The following DNM1L variants were observed in gnomAD, a reference collection of about 807,000 sequenced individuals.
DNM1L encodes dynamin 1L.
Under a neutral mutation model 92.8 loss-of-function variants are expected in DNM1L, and 33 were observed. That is an observed-to-expected ratio of 0.36 (90% confidence interval 0.27 to 0.48). The LOEUF (loss-of-function observed/expected upper bound fraction) is 0.48. DNM1L is among the 20% of genes least tolerant of loss of function. DNM1L has a pLI of 0.99. For missense variants in DNM1L, 485 were observed against 888.8 expected (o/e 0.55, Z 5.78); for synonymous variants, 284 against 305.0 (o/e 0.93, Z 0.72).
intron 1 of DNM1L, 182 bp downstream of exon 1, chr12:32,679,647 C>G (rs1019474939): frequency 6.1e-6 from 8 of 1,321,058 alleles, no homozygotes; most frequent in Non-Finnish European, 7.7e-6. Flanking sequence ...CCTCCCGGGG[C>G]AGCGTTGCAT....
At chr12:32,692,115 C>T (rs569507247) in intron 1 of DNM1L, among the ~76,000 whole-genome samples, 1 of 152,014 alleles carries the variant, frequency 6.6e-6, no homozygotes, top group East Asian at 1.9e-4. Context: ...CATACTATAA[C>T]CATTTTCTCT....
chr12:32,696,589 G>C (rs530272929), intron 1 of DNM1L, among the ~76,000 whole-genome samples: 1 of 146,976 alleles, frequency 6.8e-6, no homozygotes, highest in Non-Finnish European at 1.5e-5. Context: ...AACAGAGCTA[G>C]ACAGTGTCTC....
intron 16 of DNM1L, 77 bp from the exon 17 acceptor site, chr12:32,739,987 T>A: frequency 6.3e-7 from 1 of 1,586,240 alleles, no homozygotes; most frequent in Non-Finnish European, 8.6e-7. Context: ...TATTGACTAC[T>A]GTCAAATAAA....
chr12:32,737,280 A>G (rs1954954099), intron 14 of DNM1L, 119 bp downstream of exon 14: 1 of 996,618 alleles, frequency 1.0e-6, no homozygotes. Flanking sequence ...ACTCCATTGG[A>G]ACTAACTGAG....
In DNM1L at chr12:32,717,365, A is replaced by T. The variant is rs1295955128; in HGVS notation, c.620-1278A>T. 1.3e-3 allele frequency among the ~76,000 whole-genome samples: 91 copies of T among 70,466 alleles called. 4 individuals carry two copies. Among genetic ancestry groups the T allele is most frequent in the African/African-American group, 2.6e-3 (44 of 16,608 alleles). The allele number at this position is 70,466 out of a possible 152,430, so 46.2% of individuals were successfully genotyped here. ...ACTATATATTATATATAGTATATAT[A>T]ATATATATACTATATATAATATATA... On this transcript the variant is annotated intron_variant, in intron 6 of 19. Coordinates refer to ENST00000549701, the MANE Select transcript of DNM1L (RefSeq NM_012062.5).
chr12:32,740,419 T>C lies in DNM1L; in HGVS notation c.1895T>C (p.Val632Ala). 1 of 1,614,004 alleles carries C rather than the reference T, an allele frequency of 6.2e-7. No individual in the cohort carries two copies. The highest frequency in any genetic ancestry group is 8.5e-7 in the Non-Finnish European group (1 of 1,179,890). ...CTCATCCCTATTTAGCCAGTTCCTGTTGCACGAAAACTATCTGCTCGGGAA... is the reference window on the plus strand; with the variant it reads ...CTCATCCCTATTTAGCCAGTTCCTGCTGCACGAAAACTATCTGCTCGGGAA... ...AVNLLDVPVP[V>A]ARKLSAREQR... Residue 632 changes from valine (V) to alanine (A), a missense_variant, in exon 18 of 20, where the codon GTT (valine) becomes GCT (alanine). Coordinates refer to ENST00000549701, the MANE Select transcript of DNM1L (RefSeq NM_012062.5).
intron 2 of DNM1L, among the ~76,000 whole-genome samples, chr12:32,704,413 G>C (rs968941896): frequency 6.6e-6 from 1 of 151,966 alleles, no homozygotes; most frequent in Non-Finnish European, 1.5e-5. Flanking sequence ...AGCTAGGTGT[G>C]GTGGCGGGTG....
At chr12:32,737,349 T>C in intron 14 of DNM1L, 188 bp downstream of exon 14, 2 of 571,892 alleles carry the variant, frequency 3.5e-6, no homozygotes, top group Non-Finnish European at 6.1e-6. Flanking sequence ...GTATTTTGAA[T>C]TCACTGACAT....
intron 14 of DNM1L, 33 bp from the exon 15 acceptor site, chr12:32,737,832 A>G (rs1409535350): frequency 2.0e-5 from 31 of 1,587,144 alleles, no homozygotes; most frequent in Non-Finnish European, 2.7e-5. Flanking sequence ...TGCATCCTTG[A>G]TTTTTTTTCC....
intron 6 of DNM1L, among the ~76,000 whole-genome samples, chr12:32,717,088 T>G (rs188363822): frequency 7.7e-6 from 1 of 130,018 alleles, no homozygotes; most frequent in Non-Finnish European, 1.6e-5. Flanking sequence ...TATATATATT[T>G]TATATATATA....
intron 9 of DNM1L, among the ~76,000 whole-genome samples, chr12:32,724,685 TA>T (rs1565526767): frequency 7.0e-6 from 1 of 142,664 alleles, no homozygotes. Flanking sequence ...ATATATATAA[TA>T]ATATATATAG....
intron 2 of DNM1L, among the ~76,000 whole-genome samples, chr12:32,702,754 G>A (rs1952764897): frequency 6.6e-6 from 1 of 152,052 alleles, no homozygotes; most frequent in South Asian, 2.1e-4. Flanking sequence ...AGTCACTGAA[G>A]CAAATTAGTG....
rs769341451 is a variant in DNM1L at position 32,731,316 on chromosome 12, A to G, written c.1201-40A>G. On this transcript the variant is annotated intron_variant, in intron 10 of 19. Coordinates refer to ENST00000549701, the MANE Select transcript of DNM1L (RefSeq NM_012062.5). The surrounding 1 kb of genome is among the most constrained non-coding windows in gnomAD (Gnocchi z 5.1). ...TTCTTAACCCTTGGGAAGAACTGAA[A>G]TTACATATATAATAAGAGTTCTAAG... 1.5e-5 allele frequency: 24 copies of G among 1,612,256 alleles called. No individual in the cohort carries two copies. In the East Asian group the frequency reaches 5.1e-4, roughly 34 times the overall value.
At chr12:32,696,186 A>G (rs1156496007) in intron 1 of DNM1L, among the ~76,000 whole-genome samples, 1 of 152,152 alleles carries the variant, frequency 6.6e-6, no homozygotes, top group Non-Finnish European at 1.5e-5. Flanking sequence ...TAAAGGAAAA[A>G]TAAAAATCCT....
rs1955583352 is a variant in DNM1L, at chr12:32,745,335, A to G, written c.*1925A>G. 1 of 222,026 alleles carries G rather than the reference A, an allele frequency of 4.5e-6. No homozygotes were observed. Among genetic ancestry groups the G allele is most frequent in the Non-Finnish European group, 8.8e-6 (1 of 113,126 alleles). 13.8% of individuals were successfully genotyped at this position (222,026 alleles called of 1,614,324 possible). A position where few individuals can be genotyped will look rare whatever the true frequency, so the allele number is the denominator to read the frequency against. Reference sequence around the variant, plus strand: ...GATGCACTTTTCTCCAGCACATCAGATTTCAAATTGAAAATTAAAGACATG... The same window carrying G: ...GATGCACTTTTCTCCAGCACATCAGGTTTCAAATTGAAAATTAAAGACATG... On this transcript the variant is annotated 3_prime_UTR_variant, in exon 20 of 20. Transcript: ENST00000549701.
intron 19 of DNM1L, 137 bp downstream of exon 19, chr12:32,742,885 A>AAT: frequency 2.0e-5 from 14 of 689,254 alleles, no homozygotes; most frequent in South Asian, 4.1e-5. Context: ...ACTTGATAAG[A>AAT]ATCTTTTTTT....
intron 1 of DNM1L, chr12:32,680,027 C>T: frequency 2.0e-6 from 2 of 984,538 alleles, no homozygotes; most frequent in Non-Finnish European, 2.4e-6. Context: ...ATAATTCCAC[C>T]AGGTTTCGAG....
chr12:32,687,023 C>T (rs779170768), intron 1 of DNM1L, among the ~76,000 whole-genome samples: 7 of 149,580 alleles, frequency 4.7e-5, no homozygotes, highest in African/African-American at 7.4e-5. Flanking sequence ...TCAGGTGATC[C>T]GCCTGCCTTG....
chr12:32,738,218 T>C (rs759862299), intron 15 of DNM1L, 46 bp from the exon 16 acceptor site: 7 of 1,606,848 alleles, frequency 4.4e-6, no homozygotes, highest in Non-Finnish European at 6.0e-6. Flanking sequence ...CATTGGTATT[T>C]AAATTTTGCT....
Sources: gnomAD v4.1 joint callset for allele counts (sites outside exome capture counted in the v4.1 genomes callset) on GRCh38, gnomAD v4.1.1 for gene constraint, Gnocchi (gnomAD v3.1) non-coding constraint, MANE v1.5 for transcripts, NCBI Gene and HGNC (gene_info 2026-07-23, HGNC 2026-07-21) for gene names.